ZNF800: variants seen among roughly 807,000 people sequenced by gnomAD.
ZNF800 encodes zinc finger protein 800.
In ZNF800, 13 loss-of-function variants were observed where a neutral mutation model predicts 59.5. The observed-to-expected ratio is 0.22, with a 90% CI of 0.14 to 0.35. The LOEUF is 0.35. ZNF800 is among the 10% of genes least tolerant of loss of function. The probability of loss-of-function intolerance (pLI) is 1.00; values close to 1 mark genes in which losing one functional copy is unlikely to be tolerated. For synonymous variants in ZNF800, 266 were observed against 265.7 expected (o/e 1.00, Z -0.01); for missense variants, 621 against 783.7 (o/e 0.79, Z 2.48).
chr7:127,373,052 A>G (rs1376456269), intron 5 of ZNF800: 2 of 985,144 alleles, frequency 2.0e-6, no homozygotes, highest in African/African-American at 3.5e-5. Flanking sequence ...ATAAATGTAT[A>G]TATTTTACAA....
intron 3 of ZNF800, among the ~76,000 whole-genome samples, chr7:127,381,311 C>A (rs1015417733): frequency 6.6e-6 from 1 of 152,066 alleles, no homozygotes. Context: ...AATAAATGTA[C>A]GTTCCTCATC....
intron 2 of ZNF800, among the ~76,000 whole-genome samples, chr7:127,389,943 A>G (rs986234215): frequency 4.0e-5 from 6 of 149,174 alleles, no homozygotes; most frequent in African/African-American, 1.4e-4. Flanking sequence ...AGGTATAATC[A>G]CAAATTAGCT....
In ZNF800 at chr7:127,391,541, T is replaced by C; in HGVS notation, c.17A>G (p.Lys6Arg). MPLRD[K>R]YCQTDHHHHG... ...ATGATGGTGGTCAGTCTGACAGTAT[T>C]TGTCCCTTAAAGGCATTTTCAGTGG... The change falls in exon 2 of 6, where the codon AAA (lysine) becomes AGA (arginine). Residue 6 changes from lysine to arginine, a missense_variant. Lys to Arg is a conservative substitution (Grantham distance 26). Around this residue, in one of 7 missense-constraint regions of ZNF800, gnomAD observed 57 missense variants for 77.1 expected, o/e 0.74. Transcript: ENST00000265827. The C allele has an allele frequency of 6.2e-7, 1 of 1,614,176 alleles. No homozygotes were observed. Among genetic ancestry groups the C allele is most frequent in the East Asian group, 2.2e-5 (1 of 44,874 alleles).
chr7:127,378,830 A>G (rs1298182297), intron 3 of ZNF800, among the ~76,000 whole-genome samples: 2 of 152,124 alleles, frequency 1.3e-5, no homozygotes, highest in Non-Finnish European at 2.9e-5. Context: ...AAGTCTTGAG[A>G]GATTCCAAAT....
chr7:127,379,421 T>C (rs1468948682), intron 3 of ZNF800, among the ~76,000 whole-genome samples: 1 of 152,160 alleles, frequency 6.6e-6, no homozygotes. Flanking sequence ...TAATACAGAT[T>C]CAATTCTGCC....
At chr7:127,351,358 C>G (rs914780979) in intron 1 of ZNF800, 10 of 152,268 alleles carry the variant, frequency 6.6e-5, no homozygotes, top group African/African-American at 2.4e-4. Flanking sequence ...CTGAAATGAT[C>G]TCTCTTCTGA....
intron 3 of ZNF800, among the ~76,000 whole-genome samples, chr7:127,381,750 T>A (rs1800984081): frequency 6.6e-6 from 1 of 152,072 alleles, no homozygotes; most frequent in Non-Finnish European, 1.5e-5. Context: ...AAGTCCCATT[T>A]TAAATTTCCT....
rs549775366 is a variant in ZNF800, at chr7:127,372,999, AAGTT to A, written c.1994+339_1994+342del. On this transcript the variant is annotated intron_variant, in intron 5 of 5. Coordinates refer to ENST00000265827, the MANE Select transcript of ZNF800 (RefSeq NM_176814.5). The stretch of plus-strand genomic sequence containing the variant: ...CACTGAATCAAATTAAACCTGTGCA[AAGTT>A]AGTTAAACAGAAGACTTCTATTGTA... 1,621 of 985,242 alleles carry A rather than the reference AAGTT, an allele frequency of 1.6e-3. 2 individuals carry two copies. The highest frequency in any genetic ancestry group is 3.5e-3 in the South Asian group (75 of 21,288). The allele number at this position is 985,242 out of a possible 1,614,324, so 61.0% of individuals were successfully genotyped here.
chr7:127,391,955 C>G (rs1801337014), intron 1 of ZNF800, 105 bp downstream of exon 1: 1 of 376,824 alleles, frequency 2.7e-6, no homozygotes, highest in Non-Finnish European at 4.7e-6. Flanking sequence ...ACGGAGGTGC[C>G]GCTCCCGCCG....
chr7:127,373,219 C>A (rs1800679346), intron 5 of ZNF800, 123 bp downstream of exon 5: 1 of 1,478,212 alleles, frequency 6.8e-7, no homozygotes, highest in African/African-American at 1.4e-5. Flanking sequence ...TTGCAGTTCC[C>A]ATTGCCATGA....
chr7:127,386,287 C>G (rs1488162789), intron 2 of ZNF800, 132 bp from the exon 3 acceptor site: 2 of 467,182 alleles, frequency 4.3e-6, no homozygotes, highest in East Asian at 7.4e-5. Flanking sequence ...CACACACACA[C>G]GCATATATAA....
Position 127,374,694 on chromosome 7 carries a change from C to T in ZNF800, c.642G>A (p.Ser214=), listed in dbSNP as rs750422574. The T allele has an allele frequency of 9.9e-6, 16 of 1,613,748 alleles. No individual in the cohort carries two copies. The highest frequency in any genetic ancestry group is 1.7e-5 in the Admixed American group (1 of 59,956). Residue 214 remains serine (S), a synonymous_variant, in exon 5 of 6, where the codon TCG becomes TCA. Coordinates refer to ENST00000265827, the MANE Select transcript of ZNF800 (RefSeq NM_176814.5). ...APTSDEQPQE[S]QADLETSDNS... ...TGTCAGAAGTTTCCAAGTCAGCCTG[C>T]GACTCCTGAGGTTGTTCATCAGATG...
intron 1 of ZNF800, among the ~76,000 whole-genome samples, chr7:127,348,971 AAG>A (rs1416499897): frequency 1.3e-5 from 2 of 152,192 alleles, no homozygotes; most frequent in African/African-American, 2.4e-5. Context: ...AGTATTACAG[AAG>A]AGTTTATTGC....
rs112291396 is a variant in ZNF800, at chr7:127,377,205, T to G, written c.282A>C (p.Pro94=). Reference sequence around the variant, plus strand: ...ACTTACTGTCATCCATCTGGAGACTTGGTGGGCAGTAGAATTTTTTATGGG... The same window carrying G: ...ACTTACTGTCATCCATCTGGAGACTGGGTGGGCAGTAGAATTTTTTATGGG... ...LITHKKFYCP[P]SLQMDDNLPD... Residue 94 remains proline (P), a synonymous_variant, in exon 4 of 6, where the codon CCA becomes CCC. Transcript: ENST00000265827. This position sits in a 1 kb window ranked among gnomAD's most constrained non-coding sequence, Gnocchi z 4.7. 6.2e-7 allele frequency: 1 copy of G among 1,611,644 alleles called. No individual in the cohort carries two copies. Among genetic ancestry groups the G allele is most frequent in the African/African-American group, 1.3e-5 (1 of 74,932 alleles).
chr7:127,372,869 C>A (rs561838457), intron 5 of ZNF800: 1 of 985,106 alleles, frequency 1.0e-6, no homozygotes, highest in African/African-American at 1.7e-5. Flanking sequence ...TTAATTTTTA[C>A]AATAATTACA....
intron 3 of ZNF800, among the ~76,000 whole-genome samples, chr7:127,382,408 A>G (rs1470630264): frequency 1.3e-5 from 2 of 152,222 alleles, no homozygotes; most frequent in African/African-American, 4.8e-5. Flanking sequence ...GCTATTTAAA[A>G]TTTTGTTTTG....
chr7:127,359,620 T>C (rs949719376), intron 1 of ZNF800, among the ~76,000 whole-genome samples: 2 of 152,136 alleles, frequency 1.3e-5, no homozygotes, highest in Non-Finnish European at 2.9e-5. Context: ...TGAGTGTTAT[T>C]TTTAAGAGGC....
intron 4 of ZNF800, 44 bp from the exon 5 acceptor site, chr7:127,375,078 G>A: frequency 6.9e-7 from 1 of 1,439,976 alleles, no homozygotes. Context: ...TAATTAGCCT[G>A]CTGTAGCCCT....
chr7:127,355,896 C>A (rs1258402689), intron 1 of ZNF800, among the ~76,000 whole-genome samples: 1 of 151,874 alleles, frequency 6.6e-6, no homozygotes, highest in African/African-American at 2.4e-5. Flanking sequence ...ATCACACTTA[C>A]ACAGGATGTT....
Sources: gnomAD v4.1 joint callset for allele counts (sites outside exome capture counted in the v4.1 genomes callset) on GRCh38, gnomAD v4.1.1 for gene constraint, gnomAD v4.1.1 regional missense constraint, Gnocchi (gnomAD v3.1) non-coding constraint, MANE v1.5 for transcripts, NCBI Gene and HGNC (gene_info 2026-07-23, HGNC 2026-07-21) for gene names.